Variants in PPP1R9A observed in about 807,000 individuals in gnomAD.
PPP1R9A encodes neurabin-1.
PPP1R9A carries 59 observed loss-of-function variants against 141.9 expected under a neutral mutation model. That is an observed-to-expected ratio of 0.42 (90% CI 0.34 to 0.52). The LOEUF is 0.52. Ranked by LOEUF, PPP1R9A falls within the 20% of genes least tolerant of loss-of-function variation. The pLI, the probability that PPP1R9A is intolerant of heterozygous loss-of-function variation, is 0.10. For missense variants in PPP1R9A, 1,444 were observed against 1,611.9 expected (o/e 0.90, Z 1.78); for synonymous variants, 500 against 569.7 (o/e 0.88, Z 1.74).
chr7:95,138,275 A>G lies in PPP1R9A; in HGVS notation c.1649+17443A>G, dbSNP rs115428677. ...GTACCATGATAATTCCATTGGAAAAAGTATAGCCTTTTCAGCAAAGTGCTA... is the reference window on the plus strand; with the variant it reads ...GTACCATGATAATTCCATTGGAAAAGGTATAGCCTTTTCAGCAAAGTGCTA... On this transcript the variant is annotated intron_variant, in intron 4 of 19. Coordinates refer to ENST00000433360, the MANE Select transcript of PPP1R9A (RefSeq NM_001166160.2). 7.2e-3 allele frequency among the ~76,000 whole-genome samples: 1,095 copies of G among 152,346 alleles called. 15 individuals carry two copies. Among genetic ancestry groups the G allele is most frequent in the African/African-American group, 0.025 (1,026 of 41,582 alleles).
At position 95,259,455 on chromosome 7, in the gene PPP1R9A, A is replaced by C. The variant is rs1296666207; in HGVS notation, c.2665+7325A>C. On this transcript the variant is annotated intron_variant, in intron 12 of 19. Transcript: ENST00000433360. ...TTTAAGGTTTAGTAAGAAAATAAAA[A>C]AGGATAGCATCAGCCAGACATTTAT... Among the ~76,000 whole-genome samples, 6 of 152,198 alleles carry C rather than the reference A, an allele frequency of 3.9e-5. No homozygotes were observed. In the East Asian group the frequency reaches 1.2e-3, roughly 29 times the overall value.
chr7:95,055,105 C>T (rs1463772863), intron 2 of PPP1R9A, among the ~76,000 whole-genome samples: 2 of 152,216 alleles, frequency 1.3e-5, no homozygotes, highest in East Asian at 1.9e-4. Context: ...ACTTCTATTT[C>T]CAAATCTGTT....
chr7:95,048,230 CTAATT>C (rs1360333444), intron 2 of PPP1R9A, among the ~76,000 whole-genome samples: 1 of 152,096 alleles, frequency 6.6e-6, no homozygotes, highest in African/African-American at 2.4e-5. Context: ...TCTATTAAGT[CTAATT>C]TATGGCTTCT....
chr7:95,268,612 C>CA lies in PPP1R9A; in HGVS notation c.2729dup (p.Leu911AlafsTer12). 1 of 1,613,474 alleles carries CA rather than the reference C, an allele frequency of 6.2e-7. No homozygotes were observed. On this transcript the variant is annotated frameshift_variant, in exon 13 of 20. Coordinates refer to ENST00000433360, the MANE Select transcript of PPP1R9A (RefSeq NM_001166160.2). LOFTEE classifies it high-confidence loss of function. ...TTCAAAAGCACTGAAAACTCGAGCC[C>CA]AGCTCTCTGTGAAGAACAGACGCCA...
chr7:95,256,464 C>T (rs1799599331), intron 12 of PPP1R9A, among the ~76,000 whole-genome samples: 1 of 152,046 alleles, frequency 6.6e-6, no homozygotes. Flanking sequence ...TATGGAGGAA[C>T]TTCCATAACT....
At chr7:95,127,523 C>G (rs1265969888) in intron 4 of PPP1R9A, among the ~76,000 whole-genome samples, 1 of 141,658 alleles carries the variant, frequency 7.1e-6, no homozygotes, top group East Asian at 2.1e-4. Context: ...TTTTTTTAAA[C>G]TTTTATTTTA....
At chr7:95,035,707 T>C (rs565544862) in intron 2 of PPP1R9A, 4 of 152,322 alleles carry the variant, frequency 2.6e-5, no homozygotes, top group East Asian at 3.9e-4. Flanking sequence ...TCTGGAGGTA[T>C]GTTTTAATAA....
intron 2 of PPP1R9A, among the ~76,000 whole-genome samples, chr7:94,913,405 C>T (rs1304464376): frequency 6.6e-6 from 1 of 152,042 alleles, no homozygotes; most frequent in Non-Finnish European, 1.5e-5. Context: ...TTTTATCTAG[C>T]AAATAATGAA....
At chr7:94,991,744 T>C (rs994940010) in intron 2 of PPP1R9A, among the ~76,000 whole-genome samples, 1 of 152,134 alleles carries the variant, frequency 6.6e-6, no homozygotes, top group Non-Finnish European at 1.5e-5. Context: ...CTTGACTTTC[T>C]GGGCTCCAGT....
At chr7:95,141,346 T>G (rs1457730887) in intron 4 of PPP1R9A, among the ~76,000 whole-genome samples, 3 of 152,204 alleles carry the variant, frequency 2.0e-5, no homozygotes, top group Non-Finnish European at 4.4e-5. Flanking sequence ...ACACCTTTAT[T>G]GATATGTAAT....
rs761888208 is a variant in PPP1R9A at position 95,198,333 on chromosome 7, G to C, written c.1755-16G>C. 1 of 1,591,276 alleles carries C rather than the reference G, an allele frequency of 6.3e-7. No homozygotes were observed. Among genetic ancestry groups the C allele is most frequent in the Non-Finnish European group, 8.5e-7 (1 of 1,171,332 alleles). ...TGGAGAGTCTTAAATATTAGTCTTTGTTAACCTTTCCACAGATTTGTTATT... is the reference window on the plus strand; with the variant it reads ...TGGAGAGTCTTAAATATTAGTCTTTCTTAACCTTTCCACAGATTTGTTATT... On this transcript the variant is annotated splice_polypyrimidine_tract_variant and intron_variant, in intron 5 of 19. Coordinates refer to ENST00000433360, the MANE Select transcript of PPP1R9A (RefSeq NM_001166160.2).
chr7:95,276,735 A>G (rs1803269415), intron 16 of PPP1R9A, among the ~76,000 whole-genome samples: 1 of 152,146 alleles, frequency 6.6e-6, no homozygotes, highest in Admixed American at 6.5e-5. Context: ...TTTTGGCAGG[A>G]TGGAAAGGAA....
chr7:95,244,266 T>C (rs1333967318), intron 8 of PPP1R9A, among the ~76,000 whole-genome samples: 2 of 152,122 alleles, frequency 1.3e-5, no homozygotes, highest in African/African-American at 4.8e-5. Flanking sequence ...ATGGAAAGGG[T>C]AGAATAGATC....
intron 5 of PPP1R9A, among the ~76,000 whole-genome samples, chr7:95,197,212 G>A (rs1836413439): frequency 6.6e-6 from 1 of 152,060 alleles, no homozygotes; most frequent in Non-Finnish European, 1.5e-5. Context: ...TTTAAACAAA[G>A]ATTCATATTA....
intron 2 of PPP1R9A, among the ~76,000 whole-genome samples, chr7:95,044,277 C>T (rs551102918): frequency 6.6e-6 from 1 of 152,306 alleles, no homozygotes; most frequent in South Asian, 2.1e-4. Context: ...AGGGACTTCC[C>T]TCTACTTTCT....
At chr7:94,992,938 C>T (rs986798964) in intron 2 of PPP1R9A, among the ~76,000 whole-genome samples, 2 of 151,956 alleles carry the variant, frequency 1.3e-5, no homozygotes, top group Non-Finnish European at 2.9e-5. Context: ...CTTTTGGTGT[C>T]ATATCTAAGA....
At chr7:95,033,187 T>A (rs2151829514) in intron 2 of PPP1R9A, among the ~76,000 whole-genome samples, 2 of 142,578 alleles carry the variant, frequency 1.4e-5, no homozygotes, top group Admixed American at 7.1e-5. Context: ...TTTTTTTTTT[T>A]TTTTTTTTAG....
intron 2 of PPP1R9A, among the ~76,000 whole-genome samples, chr7:94,977,360 C>T (rs946896108): frequency 2.0e-5 from 3 of 152,072 alleles, no homozygotes; most frequent in Non-Finnish European, 4.4e-5. Context: ...CAACTGTGAC[C>T]ATCAAGAATA....
chr7:95,022,726 A>G (rs1238971248), intron 2 of PPP1R9A, among the ~76,000 whole-genome samples: 1 of 152,102 alleles, frequency 6.6e-6, no homozygotes, highest in Non-Finnish European at 1.5e-5. Flanking sequence ...TTCTGCATCT[A>G]TTGAGGTAAT....
Sources: allele counts gnomAD v4.1 joint callset (sites outside exome capture counted in the v4.1 genomes callset), GRCh38; gene constraint gnomAD v4.1.1; transcripts MANE v1.5; gene names NCBI Gene and HGNC (gene_info 2026-07-23, HGNC 2026-07-21).